Variants in BABAM2 observed in about 807,000 individuals in gnomAD.
BABAM2 encodes the protein BRISC and BRCA1-A complex member 2.
A neutral mutation model predicts 54.7 loss-of-function variants in BABAM2; 31 were observed. The observed-to-expected ratio is 0.57, with a 90% confidence interval of 0.43 to 0.77. The LOEUF is 0.77. BABAM2 is among the 30% of genes least tolerant of loss of function. The pLI is 0.00. For synonymous variants in BABAM2, 167 were observed against 162.9 expected, an observed-to-expected ratio of 1.03 and a Z score of -0.19; for missense variants, 364 against 455.8, an observed-to-expected ratio of 0.80 and a Z score of 1.83.
chr2:28,156,367 GCTA>G (rs547503656), intron 7 of BABAM2, among the ~76,000 whole-genome samples: 224 of 152,188 alleles, frequency 1.5e-3, no homozygotes, highest in Non-Finnish European at 2.9e-3. Context: ...GCCTTTCTCT[GCTA>G]CTAATTGGGA....
At chr2:28,151,552 G>A (rs187126206) in intron 7 of BABAM2, among the ~76,000 whole-genome samples, 2,018 of 152,138 alleles carry the variant, frequency 0.013, 29 homozygotes, top group South Asian at 0.05. Context: ...TCCAGCCTTG[G>A]CGACAAGAGC....
intron 3 of BABAM2, among the ~76,000 whole-genome samples, chr2:27,931,074 A>AAAT (rs1668058574): frequency 2.0e-5 from 3 of 152,216 alleles, no homozygotes; most frequent in Middle Eastern, 3.2e-3. Flanking sequence ...ATCACTTGAT[A>AAAT]CTAATTTATC....
intron 3 of BABAM2, among the ~76,000 whole-genome samples, chr2:27,981,258 C>T (rs1237375176): frequency 3.3e-5 from 5 of 151,994 alleles, no homozygotes; most frequent in African/African-American, 1.2e-4. Flanking sequence ...AACTGTGTCA[C>T]AACTATTCAG....
At chr2:28,070,318 G>A (rs1290256091) in intron 6 of BABAM2, among the ~76,000 whole-genome samples, 6 of 152,130 alleles carry the variant, frequency 3.9e-5, no homozygotes, top group Non-Finnish European at 8.8e-5. Context: ...TAGGTAACCT[G>A]CAAGTTTTTA....
chr2:28,067,690 G>A (rs958871517), intron 6 of BABAM2, among the ~76,000 whole-genome samples: 1 of 152,182 alleles, frequency 6.6e-6, no homozygotes, highest in Non-Finnish European at 1.5e-5. Flanking sequence ...GTACAAAGTG[G>A]CACCTTAAGA....
chr2:28,263,676 C>G (rs1000902886), intron 10 of BABAM2, among the ~76,000 whole-genome samples: 2 of 152,222 alleles, frequency 1.3e-5, no homozygotes, highest in African/African-American at 4.8e-5. Flanking sequence ...TGTACTGTCT[C>G]TTCTGTAACA....
At chr2:28,258,507 G>A (rs192479505) in intron 10 of BABAM2, among the ~76,000 whole-genome samples, 10 of 151,846 alleles carry the variant, frequency 6.6e-5, no homozygotes, top group African/African-American at 2.2e-4. Context: ...GCTTCAATTT[G>A]CAATTCCCTA....
intron 11 of BABAM2, among the ~76,000 whole-genome samples, chr2:28,320,191 G>A (rs1015897977): frequency 6.6e-6 from 1 of 152,238 alleles, no homozygotes; most frequent in African/African-American, 2.4e-5. Context: ...TAGAGGAGTG[G>A]GAAGAAAGAG....
intron 6 of BABAM2, among the ~76,000 whole-genome samples, chr2:28,091,500 C>G (rs558234041): frequency 7.9e-5 from 12 of 152,308 alleles, no homozygotes; most frequent in Admixed American, 2.0e-4. Context: ...ATTCATCCGT[C>G]TTTAAAATAC....
At chr2:28,142,947 A>G (rs2147749995) in intron 7 of BABAM2, among the ~76,000 whole-genome samples, 1 of 151,902 alleles carries the variant, frequency 6.6e-6, no homozygotes, top group South Asian at 2.1e-4. Flanking sequence ...TATTTTGGTG[A>G]TTGGTCTTTG....
chr2:28,070,762 C>T (rs1156472560), intron 6 of BABAM2, among the ~76,000 whole-genome samples: 2 of 152,064 alleles, frequency 1.3e-5, no homozygotes, highest in Non-Finnish European at 2.9e-5. Context: ...TTAAGCATTC[C>T]TCTCTTTATA....
At chr2:28,099,877 A>G (rs1666930197) in intron 6 of BABAM2, among the ~76,000 whole-genome samples, 1 of 151,828 alleles carries the variant, frequency 6.6e-6, no homozygotes, top group African/African-American at 2.4e-5. Flanking sequence ...TTGAATTTTT[A>G]TCTATTTACA....
chr2:27,892,019 TTGTC>T (rs1014850214), intron 1 of BABAM2, among the ~76,000 whole-genome samples: 4 of 152,182 alleles, frequency 2.6e-5, no homozygotes, highest in African/African-American at 9.7e-5. Flanking sequence ...TTTTTACTTT[TTGTC>T]TGTTCACATT....
chr2:27,918,754 T>C (rs1468476901), intron 2 of BABAM2, among the ~76,000 whole-genome samples: 2 of 152,136 alleles, frequency 1.3e-5, no homozygotes, highest in South Asian at 2.1e-4. Context: ...AGTGATGTGA[T>C]GATGGCTCAC....
rs573712895 is a variant in BABAM2 at position 28,226,527 on chromosome 2, G to A, written c.681-10675G>A. Among the ~76,000 whole-genome samples, 5 of 152,320 alleles carry A rather than the reference G, an allele frequency of 3.3e-5. No homozygotes were observed. The South Asian group carries it at 8.3e-4, about 25-fold the overall frequency. ...TCATTCTGGAGGAGATTATATTCTA[G>A]TGAGGAGTCATGGGGGGAGATGATG... is the stretch of plus-strand genomic sequence containing the variant. On this transcript the variant is annotated intron_variant, in intron 7 of 11. Coordinates refer to ENST00000379624, the MANE Select transcript of BABAM2 (RefSeq NM_199191.3).
chr2:28,238,425 A>G (rs990355954), intron 8 of BABAM2, among the ~76,000 whole-genome samples: 5 of 152,220 alleles, frequency 3.3e-5, no homozygotes, highest in Admixed American at 1.3e-4. Flanking sequence ...TGACTTGTTC[A>G]CATTGGCTTG....
intron 3 of BABAM2, among the ~76,000 whole-genome samples, chr2:27,955,175 C>T (rs937105862): frequency 6.6e-6 from 1 of 152,198 alleles, no homozygotes; most frequent in African/African-American, 2.4e-5. Context: ...TCTGTAGTTG[C>T]CAGCCCAAGG....
intron 7 of BABAM2, among the ~76,000 whole-genome samples, chr2:28,213,946 T>A (rs183678038): frequency 6.8e-6 from 1 of 146,596 alleles, no homozygotes; most frequent in Non-Finnish European, 1.5e-5. Flanking sequence ...TAACTTGCTT[T>A]AAAAAAAAAA....
intron 11 of BABAM2, among the ~76,000 whole-genome samples, chr2:28,317,216 C>G (rs1689632558): frequency 1.3e-5 from 2 of 152,194 alleles, no homozygotes; most frequent in South Asian, 4.1e-4. Flanking sequence ...TTTGCCCCAC[C>G]CTGACTAAGC....
Sources: gnomAD v4.1 joint callset for allele counts (sites outside exome capture counted in the v4.1 genomes callset) on GRCh38, gnomAD v4.1.1 for gene constraint, MANE v1.5 for transcripts, NCBI Gene and HGNC (gene_info 2026-07-23, HGNC 2026-07-21) for gene names.